Variants in PHF21A observed in about 807,000 individuals in gnomAD.
PHF21A encodes the protein PHD finger protein 21A.
Under a neutral mutation model 82.5 loss-of-function variants are expected in PHF21A, and 11 were observed. That is an observed-to-expected ratio of 0.13 (90% confidence interval 0.08 to 0.22). PHF21A has a LOEUF of 0.22. PHF21A is among the 10% of genes least tolerant of loss of function. PHF21A has a pLI of 1.00. For missense variants in PHF21A, 579 were observed against 837.8 expected (o/e 0.69, Z 3.81); for synonymous variants, 297 against 302.8 (o/e 0.98, Z 0.20).
Position 45,931,116 on chromosome 11 carries a change from C to T in PHF21A, c.*2852G>A, listed in dbSNP as rs945603963. ...GAAGAATCCACAGCCCAGCTGCAGG[C>T]GAGGTCAGAATGTACCCGACACTGC... On this transcript the variant is annotated 3_prime_UTR_variant, in exon 19 of 19. Coordinates refer to ENST00000676320, the MANE Select transcript of PHF21A (RefSeq NM_001352027.3). 6.6e-6 allele frequency: 1 copy of T among 152,276 alleles called. No individual in the cohort carries two copies. The highest frequency in any genetic ancestry group is 1.5e-5 in the Non-Finnish European group (1 of 68,116). The allele number at this position is 152,276 out of a possible 1,614,324, so 9.4% of individuals were successfully genotyped here. A position where few individuals can be genotyped will look rare whatever the true frequency, so the allele number is the denominator to read the frequency against.
chr11:46,079,869 GA>G (rs1269910971), intron 4 of PHF21A, among the ~76,000 whole-genome samples: 1 of 151,672 alleles, frequency 6.6e-6, no homozygotes, highest in East Asian at 1.9e-4. Context: ...GAAAGGAAAG[GA>G]AAGAGGAAAG....
intron 3 of PHF21A, among the ~76,000 whole-genome samples, chr11:46,087,904 C>T (rs1243674376): frequency 6.6e-6 from 1 of 152,020 alleles, no homozygotes; most frequent in Non-Finnish European, 1.5e-5. Context: ...TACAGGTGTG[C>T]CCCACCATAC....
At chr11:46,062,202 T>A (rs867885069) in intron 6 of PHF21A, among the ~76,000 whole-genome samples, 23 of 152,232 alleles carry the variant, frequency 1.5e-4, no homozygotes, top group African/African-American at 5.5e-4. Flanking sequence ...AATTCACAGT[T>A]TTAGGCACTC....
At chr11:46,045,689 C>T (rs1355909863) in intron 6 of PHF21A, among the ~76,000 whole-genome samples, 1 of 152,118 alleles carries the variant, frequency 6.6e-6, no homozygotes, top group African/African-American at 2.4e-5. Context: ...GAGAAGGGGC[C>T]TAACTTCAAA....
rs1025689634 is a variant in PHF21A, at chr11:45,930,092, G to T, written c.*3876C>A. 6.6e-6 allele frequency: 1 copy of T among 152,248 alleles called. No individual in the cohort carries two copies. The highest frequency in any genetic ancestry group is 1.5e-5 in the Non-Finnish European group (1 of 68,052). 9.4% of individuals were successfully genotyped at this position (152,248 alleles called of 1,614,324 possible). On this transcript the variant is annotated 3_prime_UTR_variant, in exon 19 of 19. Transcript: ENST00000676320. ...AAAGTCTCCTAAATTCAGCCCTTTA[G>T]ATAAATAAGAAGGACCACGCCCTAT...
chr11:45,951,942 G>T (rs1704163788), intron 11 of PHF21A, among the ~76,000 whole-genome samples: 1 of 151,936 alleles, frequency 6.6e-6, no homozygotes, highest in Non-Finnish European at 1.5e-5. Flanking sequence ...GAGTACCTGG[G>T]ACTATAGGCA....
intron 3 of PHF21A, among the ~76,000 whole-genome samples, chr11:46,084,864 T>C (rs2096837713): frequency 6.6e-6 from 1 of 152,096 alleles, no homozygotes; most frequent in South Asian, 2.1e-4. Flanking sequence ...ATATTTTTAA[T>C]AGAGACGGGG....
intron 1 of PHF21A, among the ~76,000 whole-genome samples, chr11:46,097,524 A>G (rs1221315062): frequency 6.6e-6 from 1 of 152,204 alleles, no homozygotes; most frequent in Non-Finnish European, 1.5e-5. Context: ...GAGCAAAAGA[A>G]TACTAAAATA....
intron 6 of PHF21A, among the ~76,000 whole-genome samples, chr11:46,071,311 G>C (rs992391012): frequency 6.6e-6 from 1 of 152,176 alleles, no homozygotes; most frequent in African/African-American, 2.4e-5. Context: ...AACACATTTA[G>C]AGTAGACCTA....
intron 10 of PHF21A, among the ~76,000 whole-genome samples, chr11:45,964,473 T>C (rs2093315711): frequency 6.6e-6 from 1 of 152,058 alleles, no homozygotes; most frequent in South Asian, 2.1e-4. Context: ...TCATGGTCCA[T>C]CCAGAAGCAG....
intron 6 of PHF21A, among the ~76,000 whole-genome samples, chr11:46,075,623 A>G (rs1456551288): frequency 6.6e-6 from 1 of 152,196 alleles, no homozygotes; most frequent in Non-Finnish European, 1.5e-5. Flanking sequence ...CTAATCTAAA[A>G]TACCTCCTGT....
At chr11:46,007,457 G>A (rs920862551) in intron 6 of PHF21A, among the ~76,000 whole-genome samples, 1 of 151,930 alleles carries the variant, frequency 6.6e-6, no homozygotes, top group African/African-American at 2.4e-5. Context: ...GGGTTTACAG[G>A]TGCCCACGAC....
At chr11:45,976,989 A>G (rs578189799) in intron 7 of PHF21A, among the ~76,000 whole-genome samples, 1 of 152,294 alleles carries the variant, frequency 6.6e-6, no homozygotes, top group Non-Finnish European at 1.5e-5. Context: ...AAAATCAATT[A>G]AATATGTCAG....
chr11:46,000,515 A>G (rs1190567937), intron 6 of PHF21A, among the ~76,000 whole-genome samples: 3 of 152,250 alleles, frequency 2.0e-5, no homozygotes, highest in Non-Finnish European at 2.9e-5. Flanking sequence ...TAAAGACTCT[A>G]TAACGTTTTT....
chr11:46,084,142 G>C (rs1328558202), intron 4 of PHF21A, 24 bp downstream of exon 4: 1 of 1,555,032 alleles, frequency 6.4e-7, no homozygotes, highest in Non-Finnish European at 8.8e-7. Context: ...CAACAGTGTG[G>C]GAGAAGCCAA....
intron 6 of PHF21A, among the ~76,000 whole-genome samples, chr11:46,024,644 A>G (rs1403305559): frequency 6.6e-6 from 1 of 152,142 alleles, no homozygotes; most frequent in African/African-American, 2.4e-5. Context: ...TACTAAAAAT[A>G]CAAAAAATTA....
chr11:45,973,374 G>T (rs979607284), intron 7 of PHF21A, among the ~76,000 whole-genome samples: 1 of 152,070 alleles, frequency 6.6e-6, no homozygotes, highest in African/African-American at 2.4e-5. Context: ...TCTACTTAGG[G>T]GTATTAAGTT....
At chr11:46,019,890 A>G (rs1385098768) in intron 6 of PHF21A, among the ~76,000 whole-genome samples, 2 of 152,186 alleles carry the variant, frequency 1.3e-5, no homozygotes, top group Non-Finnish European at 1.5e-5. Flanking sequence ...AGGAAAGCCC[A>G]TATGCTTAAC....
At chr11:46,076,915 G>A (rs1165534867) in intron 5 of PHF21A, 96 bp from the exon 6 acceptor site, 10 of 905,816 alleles carry the variant, frequency 1.1e-5, no homozygotes, top group African/African-American at 1.6e-5. Context: ...AAATGATGAA[G>A]CAACCCGAAG....
Sources: gnomAD v4.1 joint callset for allele counts (sites outside exome capture counted in the v4.1 genomes callset) on GRCh38, gnomAD v4.1.1 for gene constraint, MANE v1.5 for transcripts, NCBI Gene and HGNC (gene_info 2026-07-23, HGNC 2026-07-21) for gene names.